CATSPERG: variants seen among roughly 807,000 people sequenced by gnomAD.
CATSPERG encodes cation channel sperm-associated auxiliary subunit gamma.
Under a neutral mutation model 145.0 loss-of-function variants are expected in CATSPERG, and 115 were observed. That is an observed-to-expected ratio of 0.79 (90% CI 0.68 to 0.93). CATSPERG has a LOEUF of 0.93. Among genes scored for constraint, CATSPERG ranks in the 40% least tolerant of loss-of-function variants. The pLI is 0.00. For missense variants in CATSPERG, 1,296 were observed against 1,490.1 expected (o/e 0.87, Z 2.14); for synonymous variants, 588 against 589.0 (o/e 1.00, Z 0.02).
intron 9 of CATSPERG, among the ~76,000 whole-genome samples, chr19:38,355,654 G>A (rs906348689): frequency 1.4e-5 from 2 of 144,722 alleles, no homozygotes; most frequent in African/African-American, 2.6e-5. Flanking sequence ...CCAAGATCAT[G>A]CCACTGCACT....
chr19:38,347,233 CTG>C (rs1052694905), intron 7 of CATSPERG, among the ~76,000 whole-genome samples: 2 of 151,980 alleles, frequency 1.3e-5, no homozygotes, highest in Non-Finnish European at 2.9e-5. Flanking sequence ...ACAAAAAAAA[CTG>C]GGCGTGGTAG....
chr19:38,366,987 C>T (rs374542706), intron 22 of CATSPERG, 169 bp from the exon 23 acceptor site: 1 of 632,546 alleles, frequency 1.6e-6, no homozygotes, highest in Non-Finnish European at 2.7e-6. Context: ...AGCCACTGCA[C>T]CAGGCCGTGT....
chr19:38,358,463 G>A lies in CATSPERG; in HGVS notation c.1398G>A (p.Gly466=), dbSNP rs113533065. The A allele has an allele frequency of 1.0e-4, 168 of 1,614,138 alleles. 2 individuals are homozygous for A. In the African/African-American group the frequency reaches 1.6e-3, roughly 15 times the overall value. Reference sequence around the variant, plus strand: ...GATTGGAGTTCCTGATGATCCTAGGGACAGAGTCCTACACCAGCACTGCAA... The same window carrying A: ...GATTGGAGTTCCTGATGATCCTAGGAACAGAGTCCTACACCAGCACTGCAA... ...ARGLEFLMIL[G]TESYTSTAMA... is the part of the protein sequence containing the mutation. The change falls in exon 13 of 29, where the codon GGG becomes GGA. Residue 466 remains glycine (G), a synonymous_variant. Transcript: ENST00000409235.
chr19:38,358,463 G>T lies in CATSPERG; in HGVS notation c.1398G>T (p.Gly466=), dbSNP rs113533065. ...ARGLEFLMIL[G]TESYTSTAMA... ...GATTGGAGTTCCTGATGATCCTAGG[G>T]ACAGAGTCCTACACCAGCACTGCAA... The change falls in exon 13 of 29, where the codon GGG becomes GGT. Residue 466 remains glycine, a synonymous_variant. Transcript: ENST00000409235. The T allele has an allele frequency of 6.2e-7, 1 of 1,614,138 alleles. No homozygotes were observed. The highest frequency in any genetic ancestry group is 1.3e-5 in the African/African-American group (1 of 75,030).
At chr19:38,359,355 C>A in intron 13 of CATSPERG, 115 bp from the exon 14 acceptor site, 1 of 652,190 alleles carries the variant, frequency 1.5e-6, no homozygotes. Flanking sequence ...TTTCAAGCTT[C>A]CTTTGCATGT....
Position 38,368,143 on chromosome 19 carries a change from T to A in CATSPERG, c.3020+6T>A. The stretch of plus-strand genomic sequence containing the variant: ...CACGAGAGCCCAGGCATCGAGTGAG[T>A]GCGTAGCCTGGCCCCTCTTGGCCCC... On this transcript the variant is annotated splice_donor_region_variant and intron_variant, in intron 26 of 28. Coordinates refer to ENST00000409235, the MANE Select transcript of CATSPERG (RefSeq NM_021185.5). The A allele has an allele frequency of 6.2e-7, 1 of 1,613,376 alleles. No homozygotes were observed. Among genetic ancestry groups the A allele is most frequent in the Admixed American group, 1.7e-5 (1 of 60,024 alleles).
At chr19:38,339,295 G>A (rs999024769) in intron 3 of CATSPERG, among the ~76,000 whole-genome samples, 5 of 152,196 alleles carry the variant, frequency 3.3e-5, no homozygotes, top group Non-Finnish European at 7.3e-5. Flanking sequence ...CCAGAGCCAT[G>A]AGCCCTGGAT....
intron 26 of CATSPERG, 79 bp from the exon 27 acceptor site, chr19:38,369,893 A>G: frequency 7.4e-7 from 1 of 1,347,034 alleles, no homozygotes; most frequent in South Asian, 1.2e-5. Flanking sequence ...CACCGAAAAC[A>G]TTGGGTGGAG....
chr19:38,336,102 G>A (rs1968848126), intron 1 of CATSPERG: 1 of 436,344 alleles, frequency 2.3e-6, no homozygotes, highest in African/African-American at 2.0e-5. Flanking sequence ...GGCGGGGCGG[G>A]GCAGGAGAGT....
intron 1 of CATSPERG, chr19:38,336,611 A>T: frequency 3.6e-5 from 8 of 221,722 alleles, no homozygotes; most frequent in South Asian, 1.0e-4. Flanking sequence ...CCGAGCGAGG[A>T]GAAAGCGGCG....
intron 3 of CATSPERG, among the ~76,000 whole-genome samples, chr19:38,343,345 TCTC>T (rs1294002494): frequency 6.6e-6 from 1 of 151,976 alleles, no homozygotes; most frequent in East Asian, 1.9e-4. Context: ...TCTGGAGTCA[TCTC>T]CTCCAGGAAG....
rs780837428 is a variant in CATSPERG at position 38,370,239 on chromosome 19, G to A, written c.3194G>A (p.Arg1065Gln). Residue 1065 changes from arginine to glutamine, a missense_variant, in exon 28 of 29, where the codon CGG (arginine) becomes CAG (glutamine). Arg to Gln is a conservative substitution (Grantham distance 43, BLOSUM62 1). Coordinates refer to ENST00000409235, the MANE Select transcript of CATSPERG (RefSeq NM_021185.5). ...CACGGGCTGCCACTCAGTCCCAAGCGGGCCCTTTTCATCATCATGGTGAGT... is the reference window on the plus strand; with the variant it reads ...CACGGGCTGCCACTCAGTCCCAAGCAGGCCCTTTTCATCATCATGGTGAGT... ...HIHGLPLSPK[R>Q]ALFIIMVSAS... 13 of 1,613,454 alleles carry A rather than the reference G, an allele frequency of 8.1e-6. No individual in the cohort carries two copies. The highest frequency in any genetic ancestry group is 3.3e-5 in the South Asian group (3 of 91,088).
chr19:38,367,372 G>T (rs1226221361), intron 23 of CATSPERG, 60 bp downstream of exon 23: 5 of 1,581,092 alleles, frequency 3.2e-6, no homozygotes, highest in Non-Finnish European at 4.3e-6. Context: ...ACTACTTTGT[G>T]CTCTCCCTCC....
chr19:38,343,709 C>T lies in CATSPERG; in HGVS notation c.454C>T (p.Pro152Ser), dbSNP rs761384937. Reference sequence around the variant, plus strand: ...GCTGCAGATCCAGATGGAGGCTGCCCCCTTCCGCAGCAAAGGTGGGCCTGG... The same window carrying T: ...GCTGCAGATCCAGATGGAGGCTGCCTCCTTCCGCAGCAAAGGTGGGCCTGG... ...EQLQIQMEAA[P>S]FRSKEPCMAE... Residue 152 changes from proline (P) to serine (S), a missense_variant, in exon 4 of 29, where the codon CCC becomes TCC. Transcript: ENST00000409235. 1.3e-6 allele frequency: 2 copies of T among 1,550,682 alleles called. No individual in the cohort carries two copies. The highest frequency in any genetic ancestry group is 2.4e-5 in the South Asian group (2 of 84,054).
At chr19:38,351,507 C>A (rs1247915625) in intron 7 of CATSPERG, among the ~76,000 whole-genome samples, 2 of 151,806 alleles carry the variant, frequency 1.3e-5, no homozygotes, top group Admixed American at 6.6e-5. Context: ...ACTCGGGAAG[C>A]TGAGGCAGGA....
intron 20 of CATSPERG, among the ~76,000 whole-genome samples, chr19:38,364,039 G>C (rs545339466): frequency 1.3e-5 from 2 of 151,992 alleles, no homozygotes; most frequent in African/African-American, 4.8e-5. Flanking sequence ...CAGCAGGGGC[G>C]GCCGGGCAGA....
intron 1 of CATSPERG, 192 bp downstream of exon 1, chr19:38,336,067 G>C: frequency 2.5e-6 from 1 of 399,102 alleles, no homozygotes; most frequent in South Asian, 1.8e-5. Flanking sequence ...GGAGGGAAAG[G>C]GGGAGCCGAA....
intron 8 of CATSPERG, 96 bp downstream of exon 8, chr19:38,352,528 C>A: frequency 7.9e-7 from 1 of 1,266,476 alleles, no homozygotes; most frequent in Non-Finnish European, 1.1e-6. Flanking sequence ...GTGGGTGAGG[C>A]ATTGGGGAAG....
rs76313306 is a variant in CATSPERG, at chr19:38,367,943, T to C, written c.2931-105T>C. 6.7e-3 allele frequency: 7,967 copies of C among 1,186,008 alleles called. 181 individuals carry two copies. The highest frequency in any genetic ancestry group is 0.06 in the African/African-American group (3,959 of 66,510). The allele number at this position is 1,186,008 out of a possible 1,614,324, so 73.5% of individuals were successfully genotyped here. ...AAACTCCTGCCCGCCCCTAACACCA[T>C]GTCCCCTGCACCCACCTGTGGCCTC... On this transcript the variant is annotated intron_variant, in intron 25 of 28. Coordinates refer to ENST00000409235, the MANE Select transcript of CATSPERG (RefSeq NM_021185.5).
Sources: allele counts gnomAD v4.1 joint callset (sites outside exome capture counted in the v4.1 genomes callset), GRCh38; gene constraint gnomAD v4.1.1; transcripts MANE v1.5; gene names NCBI Gene and HGNC (gene_info 2026-07-23, HGNC 2026-07-21).